Variants in PTPN14 observed in about 807,000 individuals in gnomAD.
PTPN14 encodes the protein protein tyrosine phosphatase non-receptor type 14.
PTPN14 carries 53 observed loss-of-function variants against 126.8 expected under a neutral mutation model. The observed-to-expected ratio is 0.42, with a 90% confidence interval of 0.34 to 0.53. PTPN14 has a LOEUF of 0.53. Ranked by LOEUF, PTPN14 falls within the 20% of genes least tolerant of loss-of-function variation. The pLI is 0.08. For missense variants in PTPN14, 1,257 were observed against 1,552.9 expected (o/e 0.81, Z 3.20); for synonymous variants, 630 against 599.3 (o/e 1.05, Z -0.75).
Position 214,433,382 on chromosome 1 carries a change from T to C in PTPN14, c.344+18423A>G, listed in dbSNP as rs1441660954. ...CAAATGACATGAGGAAGTGGGGGGC[T>C]CTGGTGACAGATTTGCAATTTGTGA... On this transcript the variant is annotated intron_variant, in intron 3 of 18. Transcript: ENST00000366956. 3.9e-5 allele frequency among the ~76,000 whole-genome samples: 6 copies of C among 151,906 alleles called. No homozygotes were observed. The East Asian group carries it at 1.2e-3, about 29-fold the overall frequency.
intron 6 of PTPN14, among the ~76,000 whole-genome samples, chr1:214,402,437 C>CAAAAAA (rs1165595746): frequency 7.7e-4 from 37 of 48,132 alleles, no homozygotes; most frequent in African/African-American, 3.0e-3. Flanking sequence ...GAGACTCTGT[C>CAAAAAA]AAAAAAAAAA....
At chr1:214,427,156 T>C (rs996417507) in intron 3 of PTPN14, among the ~76,000 whole-genome samples, 5 of 151,398 alleles carry the variant, frequency 3.3e-5, no homozygotes, top group African/African-American at 1.2e-4. Flanking sequence ...TGCATGCCTA[T>C]AGTCCCAGCT....
At chr1:214,483,803 C>A (rs911553434) in intron 1 of PTPN14, among the ~76,000 whole-genome samples, 8 of 152,158 alleles carry the variant, frequency 5.3e-5, no homozygotes, top group African/African-American at 1.4e-4. Flanking sequence ...ACTCTAAATT[C>A]TCCTTGTCTT....
At chr1:214,434,552 T>C (rs368881960) in intron 3 of PTPN14, among the ~76,000 whole-genome samples, 2 of 152,050 alleles carry the variant, frequency 1.3e-5, no homozygotes, top group East Asian at 3.9e-4. Flanking sequence ...GTAGTAGAGA[T>C]ATTAAATAGT....
chr1:214,482,800 T>A, intron 1 of PTPN14: 1 of 1,606,354 alleles, frequency 6.2e-7, no homozygotes, highest in South Asian at 1.1e-5. Flanking sequence ...GTGGCCTTTT[T>A]ACATTTTTAT....
At chr1:214,437,797 CCT>C (rs1464549373) in intron 3 of PTPN14, among the ~76,000 whole-genome samples, 11 of 152,188 alleles carry the variant, frequency 7.2e-5, no homozygotes, top group South Asian at 2.1e-4. Context: ...CAAAATCCCC[CCT>C]GAGATTCTCC....
intron 5 of PTPN14, among the ~76,000 whole-genome samples, chr1:214,411,160 T>C (rs1254094563): frequency 6.6e-6 from 1 of 152,134 alleles, no homozygotes; most frequent in Non-Finnish European, 1.5e-5. Context: ...TTTCACCTCC[T>C]CAGTTAAATT....
intron 1 of PTPN14, among the ~76,000 whole-genome samples, chr1:214,502,695 A>G (rs1316632510): frequency 1.3e-5 from 2 of 152,172 alleles, no homozygotes; most frequent in African/African-American, 4.8e-5. Flanking sequence ...TTACGAAAAA[A>G]TGTTGAAGAC....
chr1:214,531,371 A>C (rs1655541757), intron 1 of PTPN14: 1 of 152,174 alleles, frequency 6.6e-6, no homozygotes, highest in Non-Finnish European at 1.5e-5. Flanking sequence ...CAAAATAAAG[A>C]GAATGGATTC....
chr1:214,524,144 C>G (rs1167051549), intron 1 of PTPN14, among the ~76,000 whole-genome samples: 3 of 152,060 alleles, frequency 2.0e-5, no homozygotes, highest in Admixed American at 6.5e-5. Context: ...GCCACCACGT[C>G]TGGCTGACTA....
At chr1:214,381,512 A>T (rs1043420489) in intron 13 of PTPN14, among the ~76,000 whole-genome samples, 2 of 152,214 alleles carry the variant, frequency 1.3e-5, no homozygotes, top group Admixed American at 1.3e-4. Context: ...GCAAAAAGTC[A>T]TATCTGTATA....
chr1:214,464,712 T>C lies in PTPN14; in HGVS notation c.92A>G (p.Asn31Ser), dbSNP rs151121546. The C allele has an allele frequency of 1.3e-4, 211 of 1,614,276 alleles. No homozygotes were observed. The highest frequency in any genetic ancestry group is 1.0e-3 in the African/African-American group (76 of 75,076). Residue 31 changes from asparagine (N) to serine (S), a missense_variant, in exon 2 of 19, where the codon AAT becomes AGT. Transcript: ENST00000366956. ...FVTRIRLLDS[N>S]VIECTLSVES... ...CACCGACAGCGTGCACTCGATAACATTGCTGTCCAGCAGGCGAATCCGTGT... is the reference window on the plus strand; with the variant it reads ...CACCGACAGCGTGCACTCGATAACACTGCTGTCCAGCAGGCGAATCCGTGT...
At chr1:214,500,913 G>T (rs1475801611) in intron 1 of PTPN14, among the ~76,000 whole-genome samples, 1 of 152,120 alleles carries the variant, frequency 6.6e-6, no homozygotes, top group African/African-American at 2.4e-5. Flanking sequence ...TAGAGGAAAG[G>T]TTTAAAAACA....
intron 2 of PTPN14, among the ~76,000 whole-genome samples, chr1:214,458,498 G>C (rs1403482084): frequency 6.6e-6 from 1 of 152,158 alleles, no homozygotes; most frequent in Non-Finnish European, 1.5e-5. Flanking sequence ...CCTATGCCAG[G>C]CACTGTGAGA....
intron 16 of PTPN14, among the ~76,000 whole-genome samples, chr1:214,371,958 C>T (rs1658228568): frequency 2.6e-5 from 4 of 152,144 alleles, no homozygotes; most frequent in Admixed American, 2.0e-4. Flanking sequence ...GGTAAACACA[C>T]ATGAAACTAG....
chr1:214,544,877 G>A (rs1377858386), intron 1 of PTPN14, among the ~76,000 whole-genome samples: 1 of 151,886 alleles, frequency 6.6e-6, no homozygotes, highest in African/African-American at 2.4e-5. Context: ...GAGGAGGGAA[G>A]GGGAGGTGAG....
intron 5 of PTPN14, among the ~76,000 whole-genome samples, chr1:214,407,897 C>A (rs530236777): frequency 6.6e-6 from 1 of 152,186 alleles, no homozygotes; most frequent in African/African-American, 2.4e-5. Context: ...TCTAACTCCT[C>A]AGAAGTTTCC....
intron 1 of PTPN14, among the ~76,000 whole-genome samples, chr1:214,465,921 C>G (rs6540835): frequency 0.82 from 106,503 of 129,770 alleles, 43,963 homozygotes; most frequent in African/African-American, 0.89. Flanking sequence ...AAAGTGGTGG[C>G]AATATGCATT....
intron 1 of PTPN14, among the ~76,000 whole-genome samples, chr1:214,502,192 A>G (rs1654723005): frequency 2.0e-5 from 3 of 151,612 alleles, no homozygotes; most frequent in Non-Finnish European, 2.9e-5. Context: ...TCATCCCTGG[A>G]GGGTTGTTAA....
Sources: gnomAD v4.1 joint callset for allele counts (sites outside exome capture counted in the v4.1 genomes callset) on GRCh38, gnomAD v4.1.1 for gene constraint, MANE v1.5 for transcripts, NCBI Gene and HGNC (gene_info 2026-07-23, HGNC 2026-07-21) for gene names.